MSI2: variants seen among roughly 807,000 people sequenced by gnomAD.
The protein encoded by MSI2 is RNA-binding protein Musashi homolog 2.
A neutral mutation model predicts 45.6 loss-of-function variants in MSI2; 17 were observed. That is an observed-to-expected ratio of 0.37 (90% CI 0.26 to 0.56). MSI2 has a LOEUF of 0.56. MSI2 is among the 20% of genes least tolerant of loss of function. The probability of loss-of-function intolerance (pLI) is 0.77; values close to 1 mark genes in which losing one functional copy is unlikely to be tolerated. For missense variants in MSI2, 293 were observed against 444.2 expected (o/e 0.66, Z 3.06); for synonymous variants, 156 against 158.2 (o/e 0.99, Z 0.11).
intron 8 of MSI2, among the ~76,000 whole-genome samples, chr17:57,597,561 G>C (rs1305798369): frequency 6.6e-6 from 1 of 151,652 alleles, no homozygotes; most frequent in African/African-American, 2.4e-5. Flanking sequence ...AGGAGGTTGA[G>C]GCTGCAGTGA....
chr17:57,344,557 G>A (rs1469949841), intron 5 of MSI2, among the ~76,000 whole-genome samples: 1 of 152,204 alleles, frequency 6.6e-6, no homozygotes, highest in Admixed American at 6.5e-5. Context: ...ACCAAGATAA[G>A]AAGGTTACTA....
intron 10 of MSI2, chr17:57,632,159 A>G (rs1909440327): frequency 8.4e-7 from 1 of 1,193,274 alleles, no homozygotes; most frequent in African/African-American, 1.5e-5. Context: ...GCTAGGAAGA[A>G]GACATCAAAT....
intron 6 of MSI2, among the ~76,000 whole-genome samples, chr17:57,500,808 AAG>A (rs1161738199): frequency 2.7e-5 from 4 of 150,330 alleles, no homozygotes; most frequent in Non-Finnish European, 5.9e-5. Context: ...AAAAAAAAAA[AAG>A]GATTAGCAGG....
chr17:57,674,293 G>A (rs547152821), intron 11 of MSI2, among the ~76,000 whole-genome samples: 1 of 148,594 alleles, frequency 6.7e-6, no homozygotes, highest in Non-Finnish European at 1.5e-5. Flanking sequence ...GGTGGGGGTG[G>A]GATGGAGAAT....
At chr17:57,302,906 A>G (rs1911533347) in intron 5 of MSI2, among the ~76,000 whole-genome samples, 1 of 152,226 alleles carries the variant, frequency 6.6e-6, no homozygotes, top group Admixed American at 6.5e-5. Flanking sequence ...GGACAGCCCC[A>G]GGCAAACATC....
rs111775551 is a variant in MSI2 at position 57,627,523 on chromosome 17, C to T, written c.727+220C>T. ...CTCACTGGTGCCGGGTATTTGAGAA[C>T]GGCAGCTTTTAAAGGGAAAGCAGAA... On this transcript the variant is annotated intron_variant, in intron 10 of 13. Transcript: ENST00000284073. This position sits in a 1 kb window ranked among gnomAD's most constrained non-coding sequence, Gnocchi z 4.6. 1.5e-4 allele frequency: 88 copies of T among 579,022 alleles called. No homozygotes were observed. The highest frequency in any genetic ancestry group is 4.6e-4 in the Middle Eastern group (1 of 2,168). 35.9% of individuals were successfully genotyped at this position (579,022 alleles called of 1,614,324 possible).
chr17:57,411,010 C>T (rs1004702511), intron 6 of MSI2, among the ~76,000 whole-genome samples: 7 of 152,052 alleles, frequency 4.6e-5, no homozygotes, highest in African/African-American at 1.7e-4. Context: ...TTTTATTTTA[C>T]TTATTTATTT....
intron 8 of MSI2, among the ~76,000 whole-genome samples, chr17:57,604,782 G>A (rs1019229645): frequency 4.6e-4 from 70 of 152,248 alleles, no homozygotes; most frequent in African/African-American, 8.2e-4. Context: ...TCAGGGCTGC[G>A]GTGCTGTGAC....
intron 5 of MSI2, among the ~76,000 whole-genome samples, chr17:57,378,036 C>T (rs2083530812): frequency 6.7e-6 from 1 of 150,216 alleles, no homozygotes; most frequent in African/African-American, 2.5e-5. Flanking sequence ...GATTGCACCA[C>T]TGCACTCCAG....
intron 6 of MSI2, among the ~76,000 whole-genome samples, chr17:57,486,415 A>G (rs1019270466): frequency 6.6e-6 from 1 of 152,210 alleles, no homozygotes; most frequent in African/African-American, 2.4e-5. Flanking sequence ...AGCAAAAACA[A>G]GGCTTTCTTA....
At chr17:57,686,786 T>TA (rs1338751442), downstream of MSI2, among the ~76,000 whole-genome samples, 4 of 151,204 alleles carry the variant, frequency 2.6e-5, no homozygotes, top group African/African-American at 4.9e-5. Context: ...GAGAACTTGA[T>TA]AAAAAATAAA....
the MSI2 span, among the ~76,000 whole-genome samples, chr17:57,701,404 A>G: frequency 6.6e-6 from 1 of 152,200 alleles, no homozygotes; most frequent in Non-Finnish European, 1.5e-5. Context: ...GAATGCCCTT[A>G]TAAAAGAAAT....
the MSI2 span, among the ~76,000 whole-genome samples, chr17:57,691,200 C>CTCATCTATCTATCTATAT: frequency 2.1e-5 from 3 of 140,206 alleles, no homozygotes; most frequent in East Asian, 6.4e-4. Context: ...CTCTCTCTCT[C>CTCATCTATCTATCTATAT]ATCTATCTAT....
At chr17:57,499,814 C>T (rs1009258450) in intron 6 of MSI2, among the ~76,000 whole-genome samples, 6 of 152,198 alleles carry the variant, frequency 3.9e-5, no homozygotes, top group Non-Finnish European at 5.9e-5. Flanking sequence ...GACTTCTCCC[C>T]ATGGTCTCTC....
chr17:57,418,019 C>T (rs756810828), intron 6 of MSI2, among the ~76,000 whole-genome samples: 8 of 152,218 alleles, frequency 5.3e-5, no homozygotes, highest in Non-Finnish European at 1.0e-4. Context: ...GAGAGCAGGG[C>T]TTGACACACT....
At chr17:57,594,215 C>T (rs958719750) in intron 7 of MSI2, among the ~76,000 whole-genome samples, 5 of 152,212 alleles carry the variant, frequency 3.3e-5, no homozygotes, top group Admixed American at 6.5e-5. Flanking sequence ...CCAATTTCCG[C>T]GGCCTCCGCA....
chr17:57,485,904 T>C (rs1185507034), intron 6 of MSI2, among the ~76,000 whole-genome samples: 1 of 152,152 alleles, frequency 6.6e-6, no homozygotes, highest in Admixed American at 6.5e-5. Flanking sequence ...GCACCTGTGT[T>C]CTGAGCCCAC....
chr17:57,665,055 C>G (rs1400473575), intron 11 of MSI2, among the ~76,000 whole-genome samples: 1 of 152,230 alleles, frequency 6.6e-6, no homozygotes, highest in Non-Finnish European at 1.5e-5. Context: ...GTGGCTGTCA[C>G]TGGTACCCCA....
intron 5 of MSI2, among the ~76,000 whole-genome samples, chr17:57,390,069 C>A (rs765716778): frequency 2.5e-3 from 205 of 81,080 alleles, no homozygotes; most frequent in Non-Finnish European, 4.5e-3. Flanking sequence ...CAGACCCTGT[C>A]TTTACCAAAA....
Sources: gnomAD v4.1 joint callset for allele counts (sites outside exome capture counted in the v4.1 genomes callset) on GRCh38, gnomAD v4.1.1 for gene constraint, Gnocchi (gnomAD v3.1) non-coding constraint, MANE v1.5 for transcripts, NCBI Gene and HGNC (gene_info 2026-07-23, HGNC 2026-07-21) for gene names.